Variants in PROM1 observed in about 807,000 individuals in gnomAD.
The protein encoded by PROM1 is prominin-1.
A neutral mutation model predicts 116.9 loss-of-function variants in PROM1; 105 were observed. The observed-to-expected ratio is 0.90, with a 90% CI of 0.77 to 1.06. The LOEUF is 1.06. Among genes scored for constraint, PROM1 ranks in the 50% least tolerant of loss-of-function variants. The pLI, the probability that PROM1 is intolerant of heterozygous loss-of-function variation, is 0.00. For synonymous variants in PROM1, 393 were observed against 387.0 expected (o/e 1.02, Z -0.18); for missense variants, 1,122 against 1,045.2 (o/e 1.07, Z -1.01).
chr4:16,033,560 T>C (rs1578137287), intron 4 of PROM1, 51 bp from the exon 5 acceptor site: 3 of 918,348 alleles, frequency 3.3e-6, no homozygotes, highest in African/African-American at 3.3e-5. Flanking sequence ...AAATAATAAG[T>C]AGAACATTCC....
intron 15 of PROM1, among the ~76,000 whole-genome samples, chr4:15,997,059 A>G (rs1027618539): frequency 2.6e-5 from 4 of 151,870 alleles, no homozygotes; most frequent in Non-Finnish European, 5.9e-5. Context: ...ATACTCTTAA[A>G]GTGACTCCCT....
In PROM1 at chr4:16,028,920, A is replaced by C. The variant is rs915211589; in HGVS notation, c.510-3608T>G. On this transcript the variant is annotated intron_variant, in intron 5 of 27. Transcript: ENST00000447510. ...ATTATGGAAAAAACAATTTTCTCAC[A>C]TATACACTTACAAGCTTTTTACAGA... Among the ~76,000 whole-genome samples, 6 of 152,206 alleles carry C rather than the reference A, an allele frequency of 3.9e-5. No individual in the cohort carries two copies. In the South Asian group the frequency reaches 8.3e-4, roughly 21 times the overall value.
intron 2 of PROM1, among the ~76,000 whole-genome samples, chr4:16,074,298 A>T (rs1269560369): frequency 6.6e-6 from 1 of 152,192 alleles, no homozygotes; most frequent in Non-Finnish European, 1.5e-5. Flanking sequence ...TACACATTGC[A>T]TGTCTGTATC....
chr4:16,044,739 A>C (rs1256261762), intron 2 of PROM1, among the ~76,000 whole-genome samples: 1 of 152,232 alleles, frequency 6.6e-6, no homozygotes, highest in African/African-American at 2.4e-5. Context: ...TTAAAATGCA[A>C]CTATAATTGT....
chr4:16,041,777 AATAAATAAATATAT>A (rs1325494312), intron 2 of PROM1, among the ~76,000 whole-genome samples: 23 of 26,780 alleles, frequency 8.6e-4, no homozygotes, highest in African/African-American at 1.9e-3. Flanking sequence ...TAAATAAATA[AATAAATAAATATAT>A]ATATATATAT....
At chr4:16,080,075 C>T (rs1744742791) in intron 1 of PROM1, 1 of 150,202 alleles carries the variant, frequency 6.7e-6, no homozygotes, top group South Asian at 2.1e-4. Context: ...AACTGTAGTC[C>T]CAGCTACTCG....
intron 2 of PROM1, among the ~76,000 whole-genome samples, chr4:16,073,979 A>G (rs1022856557): frequency 2.6e-5 from 4 of 152,238 alleles, no homozygotes; most frequent in African/African-American, 9.6e-5. Flanking sequence ...ATTACATGAT[A>G]TGCCTTAGAA....
At chr4:16,048,274 T>C (rs1642829579) in intron 2 of PROM1, among the ~76,000 whole-genome samples, 1 of 152,208 alleles carries the variant, frequency 6.6e-6, no homozygotes, top group African/African-American at 2.4e-5. Flanking sequence ...CCAAATTTCC[T>C]GACTGAGCCT....
At chr4:16,061,430 A>G (rs1264247646) in intron 2 of PROM1, among the ~76,000 whole-genome samples, 1 of 152,172 alleles carries the variant, frequency 6.6e-6, no homozygotes, top group Non-Finnish European at 1.5e-5. Context: ...TTGAATCTTC[A>G]TAATTAAATA....
chr4:16,073,516 G>T (rs1164742819), intron 2 of PROM1, among the ~76,000 whole-genome samples: 4 of 152,088 alleles, frequency 2.6e-5, no homozygotes, highest in African/African-American at 9.7e-5. Flanking sequence ...CTAGGTGAAA[G>T]AATACAAATA....
At position 16,061,767 on chromosome 4, in the gene PROM1, C is replaced by A. The variant is rs187316037; in HGVS notation, c.220+13920G>T. Among the ~76,000 whole-genome samples the A allele has an allele frequency of 1.4e-4, 21 of 152,260 alleles. No individual in the cohort carries two copies. The East Asian group carries it at 3.1e-3, about 22-fold the overall frequency. ...TCCAGGTGTCAACAGGGCCATGGTC[C>A]TTCTGAAGCCTCTAAAGAAGGATCT... On this transcript the variant is annotated intron_variant, in intron 2 of 27. Transcript: ENST00000447510.
intron 2 of PROM1, among the ~76,000 whole-genome samples, chr4:16,075,277 A>C (rs992536904): frequency 6.6e-6 from 1 of 152,186 alleles, no homozygotes; most frequent in Non-Finnish European, 1.5e-5. Context: ...GAAGAGAGTT[A>C]AATTTTTAAG....
At chr4:16,059,173 A>G (rs143001764) in intron 2 of PROM1, among the ~76,000 whole-genome samples, 1 of 152,320 alleles carries the variant, frequency 6.6e-6, no homozygotes, top group Non-Finnish European at 1.5e-5. Context: ...TAATGAAAAA[A>G]ACAAGATTCT....
chr4:16,081,512 A>G (rs559799206), intron 1 of PROM1, among the ~76,000 whole-genome samples: 26 of 152,268 alleles, frequency 1.7e-4, no homozygotes, highest in Non-Finnish European at 3.2e-4. Flanking sequence ...AACAAAAGCC[A>G]AAATTGACAA....
At position 15,994,001 on chromosome 4, in the gene PROM1, G is replaced by C. The variant is rs1411944614; in HGVS notation, c.1753C>G (p.Leu585Val). The C allele has an allele frequency of 1.9e-6, 3 of 1,613,910 alleles. No individual in the cohort carries two copies. Among genetic ancestry groups the C allele is most frequent in the Non-Finnish European group, 1.7e-6 (2 of 1,179,826 alleles). ...GTTCTAATTACCTCATTAATGTTGA[G>C]ATGTTCACTGATATTGAAGCTGTTC... Reference protein sequence around the residue: ...LQNSFNISEHLNINEHTGSIS... With the variant: ...LQNSFNISEHVNINEHTGSIS... The change falls in exon 16 of 28, where the codon CTC becomes GTC. Residue 585 changes from leucine (L) to valine (V), a missense_variant. Leu to Val is a conservative substitution (Grantham distance 32). Transcript: ENST00000447510.
Position 16,007,643 on chromosome 4 carries a change from C to T in PROM1, c.1302-953G>A, listed in dbSNP as rs187103368. On this transcript the variant is annotated intron_variant, in intron 12 of 27. Transcript: ENST00000447510. ...ACTTTTAGAGTTAAAGGAGCATCTG[C>T]TTAGTTAATTTTCTTTTTAAGATAA... 2.2e-4 allele frequency among the ~76,000 whole-genome samples: 34 copies of T among 152,302 alleles called. 1 individual carries two copies. Among genetic ancestry groups the T allele is most frequent in the African/African-American group, 7.7e-4 (32 of 41,564 alleles).
At chr4:16,035,582 T>C (rs1022296175) in intron 4 of PROM1, among the ~76,000 whole-genome samples, 153 bp downstream of exon 4, 1 of 152,162 alleles carries the variant, frequency 6.6e-6, no homozygotes, top group Non-Finnish European at 1.5e-5. Context: ...AACATGTAAA[T>C]ATTACAGAGA....
At chr4:16,006,391 C>G (rs1725477154) in intron 13 of PROM1, 147 bp downstream of exon 13, 4 of 893,670 alleles carry the variant, frequency 4.5e-6, no homozygotes, top group Non-Finnish European at 6.6e-6. Flanking sequence ...GGTCCCATCA[C>G]AGCAGGATCT....
chr4:16,081,060 T>C (rs1033180964), intron 1 of PROM1, among the ~76,000 whole-genome samples: 1 of 150,502 alleles, frequency 6.6e-6, no homozygotes, highest in Non-Finnish European at 1.5e-5. Flanking sequence ...TATATGTATA[T>C]GTATATATAT....
Sources: allele counts gnomAD v4.1 joint callset (sites outside exome capture counted in the v4.1 genomes callset), GRCh38; gene constraint gnomAD v4.1.1; transcripts MANE v1.5; gene names NCBI Gene and HGNC (gene_info 2026-07-23, HGNC 2026-07-21).